Variants in CELF2 observed in about 807,000 individuals in gnomAD.
CELF2 encodes CUG triplet repeat RNA-binding protein 2.
A neutral mutation model predicts 62.6 loss-of-function variants in CELF2; 8 were observed. The ratio of observed to expected loss-of-function variants is 0.13; its 90% CI spans 0.07 to 0.23. The LOEUF is 0.23. Among genes scored for constraint, CELF2 ranks in the 10% least tolerant of loss-of-function variants. CELF2 has a pLI of 1.00. For synonymous variants in CELF2, 258 were observed against 250.0 expected, an observed-to-expected ratio of 1.03 and a Z score of -0.30; for missense variants, 333 against 671.0, an observed-to-expected ratio of 0.50 and a Z score of 5.56.
rs12569377 is a variant in CELF2 at position 11,281,987 on chromosome 10, G to A, written c.842-6431G>A. 2.6e-3 allele frequency among the ~76,000 whole-genome samples: 390 copies of A among 152,254 alleles called. 2 individuals carry two copies. The highest frequency in any genetic ancestry group is 0.023 in the East Asian group (120 of 5,166). ...GTGAAGCAGCGCTAGACTGGAATCC[G>A]CCCCAGCTCTCACATCTGTTCATAC... On this transcript the variant is annotated intron_variant, in intron 8 of 12. Coordinates refer to ENST00000633077, the MANE Select transcript of CELF2 (RefSeq NM_001326342.2).
chr10:10,645,626 C>T, the CELF2 span, among the ~76,000 whole-genome samples: 1 of 152,116 alleles, frequency 6.6e-6, no homozygotes, highest in Non-Finnish European at 1.5e-5. Flanking sequence ...CGCACTTCAG[C>T]CTAGGTGCCA....
chr10:10,798,191 A>T (rs933784107), upstream of CELF2, among the ~76,000 whole-genome samples: 1 of 152,200 alleles, frequency 6.6e-6, no homozygotes, highest in Non-Finnish European at 1.5e-5. Context: ...AACAAATCCC[A>T]GCAGTAAAGT....
Position 11,010,448 on chromosome 10 carries a change from G to A in CELF2, c.53+5008G>A, listed in dbSNP as rs1474480267. Among the ~76,000 whole-genome samples the A allele has an allele frequency of 2.6e-5, 4 of 152,184 alleles. No individual in the cohort carries two copies. The South Asian group carries it at 8.3e-4, about 32-fold the overall frequency. ...TGTAGGTTTTAACAAAGATAGGGGT[G>A]GGGGTGTTGAAATAAGGAATAAAAA... On this transcript the variant is annotated intron_variant, in intron 1 of 12. Coordinates refer to the CELF2 transcript ENST00000416382. The surrounding 1 kb of genome is among the most constrained non-coding windows in gnomAD (Gnocchi z 4.1).
chr10:10,463,958 T>TAAA, the CELF2 span, among the ~76,000 whole-genome samples: 414 of 143,366 alleles, frequency 2.9e-3, 2 homozygotes, highest in African/African-American at 1.0e-2. Context: ...AACCTTTTTC[T>TAAA]AAAAAAAAAA....
chr10:10,858,759 A>T (rs1295092415), intron 1 of CELF2, among the ~76,000 whole-genome samples: 1 of 146,170 alleles, frequency 6.8e-6, no homozygotes, highest in Non-Finnish European at 1.5e-5. Flanking sequence ...TGTATTTCCT[A>T]AAAAAAAAAA....
At chr10:10,898,199 A>C (rs1474861620) in intron 1 of CELF2, among the ~76,000 whole-genome samples, 1 of 152,212 alleles carries the variant, frequency 6.6e-6, no homozygotes, top group East Asian at 1.9e-4. Flanking sequence ...CTAGTATCAC[A>C]GGTCCACAGA....
At chr10:10,475,752 T>C in the CELF2 span, among the ~76,000 whole-genome samples, 1 of 152,118 alleles carries the variant, frequency 6.6e-6, no homozygotes, top group African/African-American at 2.4e-5. Context: ...TTCTCTGTAT[T>C]TTTTTATGCA....
intron 4 of CELF2, among the ~76,000 whole-genome samples, chr10:11,253,892 T>G (rs2077889316): frequency 6.6e-6 from 1 of 152,226 alleles, no homozygotes; most frequent in Admixed American, 6.5e-5. Flanking sequence ...GGAAAATGAC[T>G]TTTACCCTTC....
At chr10:10,659,526 G>C in the CELF2 span, among the ~76,000 whole-genome samples, 2 of 152,178 alleles carry the variant, frequency 1.3e-5, no homozygotes, top group East Asian at 3.9e-4. Context: ...CTCTTATTAT[G>C]GGGAGTGAGG....
chr10:11,264,717 CCA>C (rs1265462069), intron 5 of CELF2, among the ~76,000 whole-genome samples: 1 of 152,168 alleles, frequency 6.6e-6, no homozygotes, highest in Non-Finnish European at 1.5e-5. Context: ...GTCCTCTGTC[CCA>C]CACTTACATC....
At chr10:10,663,001 G>A in the CELF2 span, among the ~76,000 whole-genome samples, 1 of 152,130 alleles carries the variant, frequency 6.6e-6, no homozygotes, top group African/African-American at 2.4e-5. Flanking sequence ...AGGAGCTATT[G>A]TTCCACTTCT....
At position 11,319,782 on chromosome 10, in the gene CELF2, T is replaced by G. The variant is rs2140913240; in HGVS notation, c.1097-1407T>G. The stretch of plus-strand genomic sequence containing the variant: ...CCTCCACTGTTAAGCTATAGCCTAA[T>G]TCATATCTTACATGTGTCCTTTTAA... On this transcript the variant is annotated intron_variant, in intron 10 of 12. Coordinates refer to ENST00000633077, the MANE Select transcript of CELF2 (RefSeq NM_001326342.2). This position sits in a 1 kb window ranked among gnomAD's most constrained non-coding sequence, Gnocchi z 4.4. The G allele has an allele frequency of 2.1e-6, 1 of 471,034 alleles. No homozygotes were observed. The highest frequency in any genetic ancestry group is 7.0e-5 in the East Asian group (1 of 14,386). The allele number at this position is 471,034 out of a possible 1,614,324, so 29.2% of individuals were successfully genotyped here.
At chr10:10,526,037 T>A in the CELF2 span, among the ~76,000 whole-genome samples, 10 of 152,322 alleles carry the variant, frequency 6.6e-5, no homozygotes, top group Admixed American at 4.6e-4. Flanking sequence ...GATAGCTCAT[T>A]GTGGTTTTAA....
intron 1 of CELF2, among the ~76,000 whole-genome samples, chr10:11,134,166 G>A (rs533042744): frequency 3.3e-5 from 5 of 152,190 alleles, no homozygotes; most frequent in Non-Finnish European, 7.3e-5. Flanking sequence ...CCCAGCAAAG[G>A]CCTGTTGCAG....
the CELF2 span, among the ~76,000 whole-genome samples, chr10:10,771,883 G>C: frequency 6.6e-6 from 1 of 152,168 alleles, no homozygotes; most frequent in African/African-American, 2.4e-5. Flanking sequence ...AGCTATCAGA[G>C]GCAACAACAC....
At chr10:10,889,001 T>A (rs1017909018) in intron 1 of CELF2, among the ~76,000 whole-genome samples, 1 of 152,220 alleles carries the variant, frequency 6.6e-6, no homozygotes, top group Non-Finnish European at 1.5e-5. Flanking sequence ...AATGAATTTG[T>A]GCCCAGAGAA....
intron 1 of CELF2, among the ~76,000 whole-genome samples, chr10:10,829,155 A>G (rs2057647601): frequency 6.6e-6 from 1 of 152,224 alleles, no homozygotes; most frequent in South Asian, 2.1e-4. Flanking sequence ...TTATCTTGTC[A>G]CTGTCCTATG....
the CELF2 span, among the ~76,000 whole-genome samples, chr10:10,785,073 T>G: frequency 1.3e-5 from 2 of 152,262 alleles, no homozygotes; most frequent in South Asian, 4.1e-4. Flanking sequence ...TATGAAAGAT[T>G]ACTGTCAAAT....
intron 2 of CELF2, among the ~76,000 whole-genome samples, chr10:11,179,238 T>C (rs1280469924): frequency 6.6e-6 from 1 of 152,020 alleles, no homozygotes; most frequent in East Asian, 1.9e-4. Context: ...TTTTCTTTCC[T>C]GGCATTCATT....
Sources: gnomAD v4.1 joint callset for allele counts (sites outside exome capture counted in the v4.1 genomes callset) on GRCh38, gnomAD v4.1.1 for gene constraint, Gnocchi (gnomAD v3.1) non-coding constraint, MANE v1.5 for transcripts, NCBI Gene and HGNC (gene_info 2026-07-23, HGNC 2026-07-21) for gene names.